The following ZNF521 variants were observed in gnomAD, a reference collection of about 807,000 sequenced individuals.
ZNF521 encodes the protein LYST-interacting protein 3.
Under a neutral mutation model 105.5 loss-of-function variants are expected in ZNF521, and 14 were observed. The ratio of observed to expected loss-of-function variants is 0.13; its 90% CI spans 0.09 to 0.21. The LOEUF (loss-of-function observed/expected upper bound fraction) is 0.21. Ranked by LOEUF, ZNF521 falls within the 10% of genes least tolerant of loss-of-function variation. The pLI is 1.00. For missense variants in ZNF521, 1,233 were observed against 1,629.7 expected (o/e 0.76, Z 4.19); for synonymous variants, 635 against 606.0 (o/e 1.05, Z -0.70).
At chr18:25,185,093 C>T (rs2035698268) in intron 5 of ZNF521, among the ~76,000 whole-genome samples, 1 of 152,100 alleles carries the variant, frequency 6.6e-6, no homozygotes. Context: ...CAAATCTTTT[C>T]TTTAAGAAGT....
intron 3 of ZNF521, among the ~76,000 whole-genome samples, chr18:25,299,619 C>T (rs1911517725): frequency 6.6e-6 from 1 of 152,108 alleles, no homozygotes; most frequent in African/African-American, 2.4e-5. Flanking sequence ...TGAGAAACCA[C>T]CACAGTTGAC....
chr18:25,137,067 G>A (rs947663412), intron 5 of ZNF521, among the ~76,000 whole-genome samples: 1 of 152,220 alleles, frequency 6.6e-6, no homozygotes, highest in Admixed American at 6.5e-5. Context: ...GTCCAAATCC[G>A]ATTACGTCTA....
chr18:25,075,709 A>G (rs887546567), intron 7 of ZNF521, among the ~76,000 whole-genome samples: 22 of 152,216 alleles, frequency 1.4e-4, no homozygotes, highest in African/African-American at 5.1e-4. Context: ...CTTCTCCTTA[A>G]CCCTGGCACT....
intron 4 of ZNF521, among the ~76,000 whole-genome samples, chr18:25,213,658 G>T (rs1010761814): frequency 3.3e-5 from 5 of 152,038 alleles, no homozygotes; most frequent in African/African-American, 1.2e-4. Flanking sequence ...TTCATCAAAT[G>T]AACAAAGGTA....
chr18:25,163,997 A>G (rs1369738598), intron 5 of ZNF521, among the ~76,000 whole-genome samples: 1 of 152,204 alleles, frequency 6.6e-6, no homozygotes, highest in East Asian at 1.9e-4. Context: ...ATGCCTGAGC[A>G]GCTGAAATCA....
At chr18:25,109,805 T>C (rs975441766) in intron 5 of ZNF521, among the ~76,000 whole-genome samples, 16 of 152,210 alleles carry the variant, frequency 1.1e-4, no homozygotes, top group African/African-American at 3.6e-4. Context: ...TGTTTGTTTT[T>C]TTCTTGTTGT....
chr18:25,118,173 C>G (rs1352792598), intron 5 of ZNF521, among the ~76,000 whole-genome samples: 2 of 151,902 alleles, frequency 1.3e-5, no homozygotes, highest in Non-Finnish European at 2.9e-5. Flanking sequence ...ATCTGTCAAC[C>G]TATAATTTTA....
At chr18:25,332,171 TTTTTC>T (rs1568083250) in intron 2 of ZNF521, among the ~76,000 whole-genome samples, 1 of 151,930 alleles carries the variant, frequency 6.6e-6, no homozygotes, top group Non-Finnish European at 1.5e-5. Context: ...AAAACAGATT[TTTTTC>T]TTTTCTAAGT....
At position 25,226,787 on chromosome 18, in the gene ZNF521, G is replaced by A. The variant is rs1292851675; in HGVS notation, c.1131C>T (p.Ile377=). 5.0e-6 allele frequency: 8 copies of A among 1,614,136 alleles called. No homozygotes were observed. Among genetic ancestry groups the A allele is most frequent in the Middle Eastern group, 3.3e-4 (2 of 6,062 alleles). The change falls in exon 4 of 8, where the codon ATC becomes ATT. Residue 377 remains isoleucine (I), a synonymous_variant. Transcript: ENST00000361524. The surrounding 1 kb of genome is among the most constrained non-coding windows in gnomAD (Gnocchi z 4.1). ...SSTMVEAAPP[I]PKSRGRKRAA... ...CCCTCTTCCTCCCTCGACTCTTTGG[G>A]ATTGGCGGGGCAGCTTCCACCATGG...
intron 5 of ZNF521, among the ~76,000 whole-genome samples, chr18:25,125,895 T>C (rs1326462109): frequency 1.3e-5 from 2 of 152,044 alleles, no homozygotes; most frequent in Non-Finnish European, 2.9e-5. Flanking sequence ...AGTATGAAGT[T>C]AGGAAATTGT....
intron 2 of ZNF521, among the ~76,000 whole-genome samples, chr18:25,346,216 C>T (rs1422290438): frequency 1.5e-4 from 22 of 151,660 alleles, no homozygotes; most frequent in Admixed American, 1.4e-3. Flanking sequence ...AAAATCAAAA[C>T]TCAATCTTTA....
Position 25,227,788 on chromosome 18 carries a change from G to A in ZNF521, c.221-91C>T. ...CATTTCAACCAGCACGCAGAGTTGG[G>A]CCCTCTTGAATCTTTCAAGAAAAAA... On this transcript the variant is annotated intron_variant, in intron 3 of 7. Coordinates refer to ENST00000361524, the MANE Select transcript of ZNF521 (RefSeq NM_015461.3). The surrounding 1 kb of genome is among the most constrained non-coding windows in gnomAD (Gnocchi z 5.7). 9.2e-7 allele frequency: 1 copy of A among 1,085,764 alleles called. No individual in the cohort carries two copies. The highest frequency in any genetic ancestry group is 1.6e-5 in the South Asian group (1 of 61,150). 67.3% of individuals were successfully genotyped at this position (1,085,764 alleles called of 1,614,324 possible).
chr18:25,309,096 A>C (rs1912152859), intron 3 of ZNF521, among the ~76,000 whole-genome samples: 1 of 152,202 alleles, frequency 6.6e-6, no homozygotes. Flanking sequence ...GGGACTAATG[A>C]ATTGCAAAGG....
In ZNF521 at chr18:25,350,893, G is replaced by A; in HGVS notation, c.40+14C>T. The A allele has an allele frequency of 1.9e-6, 3 of 1,549,440 alleles. No homozygotes were observed. The highest frequency in any genetic ancestry group is 2.6e-6 in the Non-Finnish European group (3 of 1,145,826). Reference sequence around the variant, plus strand: ...CGGATGGGGGAAAGCGGGGAGCAGGGGGTTCCTCCTTACCTTTGAGGGATC... The same window carrying A: ...CGGATGGGGGAAAGCGGGGAGCAGGAGGTTCCTCCTTACCTTTGAGGGATC... On this transcript the variant is annotated intron_variant, in intron 2 of 7. Coordinates refer to ENST00000361524, the MANE Select transcript of ZNF521 (RefSeq NM_015461.3).
chr18:25,205,358 T>A (rs1302296105), intron 4 of ZNF521, among the ~76,000 whole-genome samples: 1 of 152,064 alleles, frequency 6.6e-6, no homozygotes, highest in Admixed American at 6.6e-5. Context: ...AAATTGAAGG[T>A]GGGAAAATAT....
rs2032909674 is a variant in ZNF521 at position 25,062,013 on chromosome 18, C to T, written c.*699G>A. 5.2e-6 allele frequency: 1 copy of T among 190,598 alleles called. No homozygotes were observed. The highest frequency in any genetic ancestry group is 8.3e-5 in the East Asian group (1 of 11,978). 11.8% of individuals were successfully genotyped at this position (190,598 alleles called of 1,614,324 possible). A position where few individuals can be genotyped will look rare whatever the true frequency, so the allele number is the denominator to read the frequency against. On this transcript the variant is annotated 3_prime_UTR_variant, in exon 8 of 8. Coordinates refer to ENST00000361524, the MANE Select transcript of ZNF521 (RefSeq NM_015461.3). ...GCAGAGTAAACATTAATAACAGTAA[C>T]ATACAGGTTAGTTCAACTGATTCAA...
rs141820372 is a variant in ZNF521 at position 25,137,554 on chromosome 18, A to C, written c.3659-45473T>G. On this transcript the variant is annotated intron_variant, in intron 5 of 7. Transcript: ENST00000361524. Reference sequence around the variant, plus strand: ...ACAGGTATGAAGACTGGTCCCATGGAGTCCAGTGCAGCTGACTGATCTGAC... The same window carrying C: ...ACAGGTATGAAGACTGGTCCCATGGCGTCCAGTGCAGCTGACTGATCTGAC... Among the ~76,000 whole-genome samples the C allele has an allele frequency of 2.8e-3, 431 of 151,984 alleles. 3 individuals carry two copies. The highest frequency in any genetic ancestry group is 0.01 in the African/African-American group (413 of 41,300).
chr18:25,273,120 C>A (rs1409841912), intron 3 of ZNF521, among the ~76,000 whole-genome samples: 1 of 140,590 alleles, frequency 7.1e-6, no homozygotes, highest in African/African-American at 2.6e-5. Context: ...CCAGCTACTT[C>A]GGGGGCTAAG....
intron 5 of ZNF521, among the ~76,000 whole-genome samples, chr18:25,162,223 A>G (rs2035263998): frequency 6.6e-6 from 1 of 152,104 alleles, no homozygotes; most frequent in African/African-American, 2.4e-5. Flanking sequence ...AATTGATGGG[A>G]AAAAAAGGCC....
Sources: allele counts gnomAD v4.1 joint callset (sites outside exome capture counted in the v4.1 genomes callset), GRCh38; gene constraint gnomAD v4.1.1; non-coding constraint Gnocchi (gnomAD v3.1); transcripts MANE v1.5; gene names NCBI Gene and HGNC (gene_info 2026-07-23, HGNC 2026-07-21).